The following TEX26 variants were observed in gnomAD, a reference collection of about 807,000 sequenced individuals.
TEX26 encodes the protein testis expressed 26.
TEX26 carries 34 observed loss-of-function variants against 35.3 expected under a neutral mutation model. That is an observed-to-expected ratio of 0.96 (90% CI 0.73 to 1.28). The LOEUF is 1.28. Among genes scored for constraint, TEX26 ranks in the 50% most tolerant of loss-of-function variants. TEX26 has a pLI of 0.00. For synonymous variants in TEX26, 136 were observed against 111.8 expected (o/e 1.22, Z -1.36); for missense variants, 371 against 330.1 (o/e 1.12, Z -0.96).
intron 5 of TEX26, among the ~76,000 whole-genome samples, chr13:30,966,781 C>A (rs189328684): frequency 6.6e-6 from 1 of 152,232 alleles, no homozygotes; most frequent in East Asian, 1.9e-4. Flanking sequence ...AGATCTTAAC[C>A]CCTGGCTCCA....
chr13:30,974,906 G>A lies in TEX26; in HGVS notation c.869G>A (p.Ter290=). ...TGTGACACTAACAAAAAGAAGAAAT[G>A]AAAAGGGAAAATAGTACAAATGAAG... ...THCDTNKKKK[*] Residue 290 remains the stop codon, a stop_retained_variant, in exon 7 of 7, where the codon TGA becomes TAA. Transcript: ENST00000380473. 1 of 1,555,862 alleles carries A rather than the reference G, an allele frequency of 6.4e-7. No individual in the cohort carries two copies. The highest frequency in any genetic ancestry group is 2.0e-5 in the Admixed American group (1 of 51,178).
At chr13:30,938,306 T>A (rs1018366240) in intron 1 of TEX26, among the ~76,000 whole-genome samples, 1 of 152,234 alleles carries the variant, frequency 6.6e-6, no homozygotes. Context: ...GGTATCTACC[T>A]GTCTTAGTCC....
intron 6 of TEX26, among the ~76,000 whole-genome samples, chr13:30,974,131 A>AAATATATATATATAT: frequency 3.8e-4 from 32 of 84,414 alleles, no homozygotes; most frequent in African/African-American, 5.2e-4. Context: ...AAAAAAAAAA[A>AAATATATATATATAT]ATATATATAT....
chr13:30,940,524 A>C (rs1953452753), intron 2 of TEX26, among the ~76,000 whole-genome samples: 1 of 151,110 alleles, frequency 6.6e-6, no homozygotes, highest in South Asian at 2.1e-4. Context: ...TAGTAGAGAG[A>C]GGGTTTCACT....
At chr13:30,948,092 G>C (rs981204144) in intron 2 of TEX26, among the ~76,000 whole-genome samples, 1 of 152,120 alleles carries the variant, frequency 6.6e-6, no homozygotes, top group African/African-American at 2.4e-5. Context: ...TGGCTGTATA[G>C]TATTCCATGG....
chr13:30,956,918 C>A lies in TEX26; in HGVS notation c.358C>A (p.Leu120Ile), dbSNP rs1290997006. 2.5e-6 allele frequency: 4 copies of A among 1,614,146 alleles called. No individual in the cohort carries two copies. Among genetic ancestry groups the A allele is most frequent in the Admixed American group, 1.7e-5 (1 of 60,022 alleles). The change falls in exon 4 of 7, where the codon CTA (leucine) becomes ATA (isoleucine). Residue 120 changes from leucine to isoleucine, a missense_variant. By Grantham distance (5) the Leu-to-Ile change is conservative. Transcript: ENST00000380473. ...ACCTCACTGTCAACAAACGGGGACA[C>A]TAAAGAACTGCCTCCCTTGGAAAAT... ...TLPHCQQTGT[L>I]KNCLPWKIPA...
intron 6 of TEX26, among the ~76,000 whole-genome samples, chr13:30,971,748 C>T (rs1954718454): frequency 6.6e-6 from 1 of 152,166 alleles, no homozygotes; most frequent in Admixed American, 6.5e-5. Flanking sequence ...TCTGAGTCTG[C>T]TTCAGACCAC....
At chr13:30,969,800 A>G (rs1954656029) in intron 6 of TEX26, among the ~76,000 whole-genome samples, 1 of 152,338 alleles carries the variant, frequency 6.6e-6, no homozygotes, top group Admixed American at 6.5e-5. Flanking sequence ...CTAATGTATC[A>G]CATACATTTA....
At chr13:30,948,915 G>T (rs1010469900) in intron 2 of TEX26, among the ~76,000 whole-genome samples, 1 of 152,150 alleles carries the variant, frequency 6.6e-6, no homozygotes, top group African/African-American at 2.4e-5. Flanking sequence ...ATTAATTTTT[G>T]TATAAGGTGT....
chr13:30,952,616 G>T, intron 2 of TEX26, 44 bp from the exon 3 acceptor site: 1 of 1,480,634 alleles, frequency 6.8e-7, no homozygotes, highest in South Asian at 1.4e-5. Context: ...TGTGAGATTT[G>T]GTATTTAACC....
At chr13:30,934,680 TG>T (rs1953202053) in intron 1 of TEX26, among the ~76,000 whole-genome samples, 1 of 152,148 alleles carries the variant, frequency 6.6e-6, no homozygotes, top group Non-Finnish European at 1.5e-5. Context: ...CAGCTGGGGC[TG>T]CAACACTCCA....
chr13:30,939,515 G>C (rs1388072208), intron 1 of TEX26, among the ~76,000 whole-genome samples, 179 bp from the exon 2 acceptor site: 1 of 152,214 alleles, frequency 6.6e-6, no homozygotes, highest in Non-Finnish European at 1.5e-5. Context: ...GGGTGAAACA[G>C]ATAAGTCGAA....
chr13:30,945,369 C>A (rs766444486), intron 2 of TEX26, among the ~76,000 whole-genome samples: 8 of 151,766 alleles, frequency 5.3e-5, no homozygotes, highest in Non-Finnish European at 8.9e-5. Flanking sequence ...TTGAAGACAG[C>A]AGATATTCTG....
intron 3 of TEX26, among the ~76,000 whole-genome samples, chr13:30,954,948 A>T (rs1954071632): frequency 6.6e-6 from 1 of 152,220 alleles, no homozygotes; most frequent in Admixed American, 6.5e-5. Flanking sequence ...TCAGCCAATG[A>T]GTGTTCACAT....
At chr13:30,960,332 T>G (rs1428055294) in intron 4 of TEX26, among the ~76,000 whole-genome samples, 3 of 152,138 alleles carry the variant, frequency 2.0e-5, no homozygotes, top group Admixed American at 2.0e-4. Context: ...AGCCTCTGCC[T>G]CCCAGATTCA....
chr13:30,939,105 A>T (rs1393491303), intron 1 of TEX26, among the ~76,000 whole-genome samples: 1 of 152,282 alleles, frequency 6.6e-6, no homozygotes, highest in Non-Finnish European at 1.5e-5. Flanking sequence ...GTGAAACAAA[A>T]TGTTGATAAC....
intron 5 of TEX26, among the ~76,000 whole-genome samples, chr13:30,967,001 G>C (rs1954562078): frequency 6.6e-6 from 1 of 152,200 alleles, no homozygotes; most frequent in Non-Finnish European, 1.5e-5. Context: ...ATTAGGGGAT[G>C]CTTCCTTCTC....
intron 2 of TEX26, 143 bp downstream of exon 2, chr13:30,939,921 C>A: frequency 1.4e-6 from 1 of 696,112 alleles, no homozygotes; most frequent in East Asian, 2.8e-5. Context: ...GTGCACACCT[C>A]TGCTCCAAGC....
intron 4 of TEX26, 62 bp from the exon 5 acceptor site, chr13:30,966,160 G>A (rs755896979): frequency 6.4e-7 from 1 of 1,568,494 alleles, no homozygotes; most frequent in Non-Finnish European, 8.8e-7. Context: ...CACAGCAAGA[G>A]TGGGTTTAGC....
Sources: gnomAD v4.1 joint callset for allele counts (sites outside exome capture counted in the v4.1 genomes callset) on GRCh38, gnomAD v4.1.1 for gene constraint, MANE v1.5 for transcripts, NCBI Gene and HGNC (gene_info 2026-07-23, HGNC 2026-07-21) for gene names.